The following EGFL6 variants were observed in gnomAD, a reference collection of about 807,000 sequenced individuals.
The protein encoded by EGFL6 is epidermal growth factor-like protein 6.
EGFL6 carries 42 observed loss-of-function variants against 43.1 expected under a neutral mutation model. That is an observed-to-expected ratio of 0.98 (90% CI 0.76 to 1.26). EGFL6 has a LOEUF of 1.26. Ranked by LOEUF, EGFL6 falls within the 50% of genes most tolerant of loss-of-function variation. The probability of loss-of-function intolerance (pLI) is 0.00; values close to 1 mark genes in which losing one functional copy is unlikely to be tolerated. For missense variants in EGFL6, 429 were observed against 427.8 expected (o/e 1.00, Z -0.02); for synonymous variants, 164 against 163.2 (o/e 1.01, Z -0.04).
At chrX:13,624,540 C>T (rs1035484725) in intron 10 of EGFL6, among the ~76,000 whole-genome samples, 1 of 111,359 alleles carries the variant, frequency 9.0e-6, no homozygotes, top group Non-Finnish European at 1.9e-5. Context: ...TTCCCATTGC[C>T]TACTTAAACA....
At chrX:13,630,737 T>C (rs56069933) in intron 11 of EGFL6, among the ~76,000 whole-genome samples, 22,250 of 111,370 alleles carry the variant, frequency 0.2, 3,082 homozygotes, top group African/African-American at 0.5. Context: ...GAGGTTTCTC[T>C]TCTTTGGAGA....
rs1450512539 is a variant in EGFL6, at chrX:13,593,847, G to C, written c.188-989G>C. Among the ~76,000 whole-genome samples, 19 of 111,579 alleles carry C rather than the reference G, an allele frequency of 1.7e-4. No homozygotes were observed. In the Admixed American group the frequency reaches 1.7e-3, roughly 10 times the overall value. On this transcript the variant is annotated intron_variant, in intron 2 of 11. Transcript: ENST00000361306. ...ACAAAAAATAGGATCTGGGGTTGTA[G>C]GGAAAGATGCTGGTATCTTTAAGAA... is the stretch of plus-strand genomic sequence containing the variant.
intron 1 of EGFL6, among the ~76,000 whole-genome samples, chrX:13,574,111 C>A (rs1183835511): frequency 8.9e-6 from 1 of 112,056 alleles, no homozygotes; most frequent in Non-Finnish European, 1.9e-5. Context: ...GTCAATCCTG[C>A]TGGGGAATTC....
intron 1 of EGFL6, among the ~76,000 whole-genome samples, chrX:13,586,482 G>A (rs370846581): frequency 1.4e-4 from 16 of 111,478 alleles, no homozygotes; most frequent in South Asian, 1.1e-3. Flanking sequence ...TAGGGTGTCA[G>A]CATGGTCAGG....
Position 13,569,683 on chromosome X carries a change from G to T in EGFL6, c.-179G>T, listed in dbSNP as rs1422491080. 1 of 412,374 alleles carries T rather than the reference G, an allele frequency of 2.4e-6. No individual in the cohort carries two copies. The highest frequency in any genetic ancestry group is 4.3e-5 in the Admixed American group (1 of 23,455). The allele number at this position is 412,374 out of a possible 1,213,427, so 34.0% of individuals were successfully genotyped here. A position where few individuals can be genotyped will look rare whatever the true frequency, so the allele number is the denominator to read the frequency against. ...CCCAGCCCCTCCCCAGGCCGCGAGC[G>T]CCCCTGCCGCGGTGCCTGGCCTCCC... On this transcript the variant is annotated 5_prime_UTR_variant, in exon 1 of 12. Coordinates refer to ENST00000361306, the MANE Select transcript of EGFL6 (RefSeq NM_015507.4).
At chrX:13,609,768 T>A (rs1335026286) in intron 7 of EGFL6, among the ~76,000 whole-genome samples, 1 of 110,812 alleles carries the variant, frequency 9.0e-6, no homozygotes, top group Non-Finnish European at 1.9e-5. Context: ...AATTAAAAAA[T>A]AAATAAATAA....
At chrX:13,575,246 C>T (rs1015700674) in intron 1 of EGFL6, among the ~76,000 whole-genome samples, 5 of 111,886 alleles carry the variant, frequency 4.5e-5, no homozygotes, top group Non-Finnish European at 9.4e-5. Context: ...GCCTGACCAA[C>T]ATGGAGAAAC....
chrX:13,588,813 A>G (rs1328952754), intron 1 of EGFL6, among the ~76,000 whole-genome samples: 1 of 112,800 alleles, frequency 8.9e-6, no homozygotes, highest in Non-Finnish European at 1.9e-5. Context: ...ATTGGAACAC[A>G]GTCATGCGCA....
intron 1 of EGFL6, among the ~76,000 whole-genome samples, chrX:13,586,273 A>G (rs1030658840): frequency 2.7e-5 from 3 of 111,842 alleles, no homozygotes; most frequent in Non-Finnish European, 3.8e-5. Flanking sequence ...AGAAATTGGA[A>G]CTCTCATATA....
chrX:13,622,204 G>C (rs768144184), intron 9 of EGFL6, among the ~76,000 whole-genome samples: 1 of 106,191 alleles, frequency 9.4e-6, no homozygotes, highest in African/African-American at 3.7e-5. Context: ...AAAATAGGGA[G>C]TTAAGAAGAA....
At chrX:13,619,934 G>A (rs1180103870) in intron 9 of EGFL6, among the ~76,000 whole-genome samples, 2 of 111,620 alleles carry the variant, frequency 1.8e-5, no homozygotes, top group Non-Finnish European at 1.9e-5. Context: ...GCAACAGCAG[G>A]GTTTCAGGAA....
chrX:13,590,853 C>A (rs2045559125), intron 2 of EGFL6, among the ~76,000 whole-genome samples: 1 of 111,705 alleles, frequency 9.0e-6, no homozygotes, highest in Non-Finnish European at 1.9e-5. Flanking sequence ...GTTAGAATAT[C>A]CTCCTGGGAC....
At chrX:13,602,430 A>T (rs1248108025) in intron 4 of EGFL6, among the ~76,000 whole-genome samples, 1 of 112,464 alleles carries the variant, frequency 8.9e-6, no homozygotes, top group Non-Finnish European at 1.9e-5. Context: ...TGTCTCATTT[A>T]CTTTAAAAGC....
chrX:13,593,800 T>C (rs2045580323), intron 2 of EGFL6, among the ~76,000 whole-genome samples: 1 of 111,769 alleles, frequency 8.9e-6, no homozygotes, highest in African/African-American at 3.3e-5. Flanking sequence ...TCCAGGTAAC[T>C]GGTAGAGGAA....
At chrX:13,599,365 G>A (rs1278668779) in intron 3 of EGFL6, among the ~76,000 whole-genome samples, 1 of 110,748 alleles carries the variant, frequency 9.0e-6, no homozygotes, top group Non-Finnish European at 1.9e-5. Context: ...CACTTCCACT[G>A]CCAGTGAGAG....
chrX:13,596,970 A>G (rs772301048), intron 3 of EGFL6, among the ~76,000 whole-genome samples: 1 of 112,188 alleles, frequency 8.9e-6, no homozygotes, highest in East Asian at 2.8e-4. Flanking sequence ...AGATCAGCAG[A>G]TTTCAACTTG....
chrX:13,625,895 AAAAAAAAAGAAAAAG>A lies in EGFL6; in HGVS notation c.1286-1108_1286-1094del, dbSNP rs1212827179. Among the ~76,000 whole-genome samples the A allele has an allele frequency of 7.4e-4, 52 of 70,285 alleles. 1 individual carries two copies. The East Asian group carries it at 0.012, about 17-fold the overall frequency. 61.0% of individuals were successfully genotyped at this position (70,285 alleles called of 115,157 possible). A position where few individuals can be genotyped will look rare whatever the true frequency, so the allele number is the denominator to read the frequency against. On this transcript the variant is annotated intron_variant, in intron 10 of 11. Coordinates refer to ENST00000361306, the MANE Select transcript of EGFL6 (RefSeq NM_015507.4). ...AGTGAGACCCTGCCTCAAAAAAAAA[AAAAAAAAAGAAAAAG>A]AAAAAAAGAAAAGAGACATGAATGA...
At chrX:13,595,017 T>A in intron 3 of EGFL6, 89 bp downstream of exon 3, 1 of 633,319 alleles carries the variant, frequency 1.6e-6, no homozygotes, top group Non-Finnish European at 2.3e-6. Context: ...TTCTTAGGGT[T>A]TTTTTAAAGT....
chrX:13,604,576 C>G (rs747560698), intron 5 of EGFL6, among the ~76,000 whole-genome samples: 2 of 111,865 alleles, frequency 1.8e-5, no homozygotes, highest in Admixed American at 1.9e-4. Flanking sequence ...ATGGAGCACC[C>G]ACAGGGCACC....
Sources: gnomAD v4.1 joint callset for allele counts (sites outside exome capture counted in the v4.1 genomes callset) on GRCh38, gnomAD v4.1.1 for gene constraint, MANE v1.5 for transcripts, NCBI Gene and HGNC (gene_info 2026-07-23, HGNC 2026-07-21) for gene names.